RBM19: variants seen among roughly 807,000 people sequenced by gnomAD.
RBM19 encodes RNA binding motif protein 19.
In RBM19, 94 loss-of-function variants were observed where a neutral mutation model predicts 116.8. The ratio of observed to expected loss-of-function variants is 0.80; its 90% CI spans 0.68 to 0.95. The LOEUF (loss-of-function observed/expected upper bound fraction) is 0.95. Ranked by LOEUF, RBM19 falls within the 40% of genes least tolerant of loss-of-function variation. The pLI is 0.00. For missense variants in RBM19, 1,161 were observed against 1,220.7 expected (o/e 0.95, Z 0.73); for synonymous variants, 475 against 494.1 (o/e 0.96, Z 0.51).
chr12:113,940,642 T>A (rs1870495030), intron 14 of RBM19, among the ~76,000 whole-genome samples: 1 of 152,170 alleles, frequency 6.6e-6, no homozygotes, highest in African/African-American at 2.4e-5. Context: ...TGCTGCAGGC[T>A]TTCCCCTAGG....
rs752919205 is a variant in RBM19, at chr12:113,898,601, C to T, written c.2558+16368G>A. 7.2e-5 allele frequency among the ~76,000 whole-genome samples: 11 copies of T among 152,148 alleles called. No individual in the cohort carries two copies. Among genetic ancestry groups the T allele is most frequent in the South Asian group, 4.1e-4 (2 of 4,822 alleles). ...ACCAATAAGCACCGCTGCATGAAAA[C>T]GGGTGTTTGATGACCGGCAAGACTC... On this transcript the variant is annotated intron_variant, in intron 21 of 23. Coordinates refer to ENST00000261741, the MANE Select transcript of RBM19 (RefSeq NM_016196.4). The surrounding 1 kb of genome is among the most constrained non-coding windows in gnomAD (Gnocchi z 4.3).
chr12:113,889,750 T>TA (rs1381206911), intron 21 of RBM19, among the ~76,000 whole-genome samples: 3 of 151,844 alleles, frequency 2.0e-5, no homozygotes, highest in African/African-American at 7.3e-5. Flanking sequence ...GAAGAGAATA[T>TA]AAAGCATTAT....
rs375001362 is a variant in RBM19, at chr12:113,958,032, G to T, written c.590C>A (p.Pro197Gln). 6.2e-7 allele frequency: 1 copy of T among 1,611,626 alleles called. No individual in the cohort carries two copies. The highest frequency in any genetic ancestry group is 1.1e-5 in the South Asian group (1 of 90,770). The change falls in exon 6 of 24, where the codon CCA becomes CAA. Residue 197 changes from proline (P) to glutamine (Q), a missense_variant. Coordinates refer to ENST00000261741, the MANE Select transcript of RBM19 (RefSeq NM_016196.4). ...CAGCTCCTTCTGCACAGCTGCCTTT[G>T]GTTCGAGGCTTGCCTCTTCTGGAAA... is the stretch of plus-strand genomic sequence containing the variant. ...EDLEEEASLE[P>Q]KAAVQKELSD...
intron 23 of RBM19, among the ~76,000 whole-genome samples, chr12:113,837,750 TGGGCA>T (rs1279856249): frequency 1.3e-5 from 2 of 152,378 alleles, no homozygotes; most frequent in African/African-American, 4.8e-5. Flanking sequence ...TGGGTGCCCT[TGGGCA>T]AGTTACTTGC....
intron 22 of RBM19, among the ~76,000 whole-genome samples, chr12:113,848,486 T>C (rs1470567703): frequency 6.6e-6 from 1 of 152,146 alleles, no homozygotes; most frequent in Non-Finnish European, 1.5e-5. Flanking sequence ...TCCAGAGTAA[T>C]TGTGTTTCAT....
chr12:113,827,312 C>T (rs924402216), intron 23 of RBM19, among the ~76,000 whole-genome samples: 17 of 152,154 alleles, frequency 1.1e-4, no homozygotes, highest in Non-Finnish European at 2.1e-4. Flanking sequence ...AGCCATCCCC[C>T]GACAACCCCC....
rs11338829 is a variant in RBM19 at position 113,908,573 on chromosome 12, C to CAAAAA, written c.2558+6391_2558+6395dup. Among the ~76,000 whole-genome samples the CAAAAA allele has an allele frequency of 5.4e-3, 181 of 33,220 alleles. 3 individuals are homozygous for CAAAAA. The highest frequency in any genetic ancestry group is 0.03 in the East Asian group (19 of 626). The allele number at this position is 33,220 out of a possible 152,430, so 21.8% of individuals were successfully genotyped here. On this transcript the variant is annotated intron_variant, in intron 21 of 23. Transcript: ENST00000261741. The stretch of plus-strand genomic sequence containing the variant: ...GTTCACACCTCAAGGAAGAAAATAG[C>CAAAAA]AAAAAAAAAAAAAAAAAAAAAAAAA...
chr12:113,893,868 C>T (rs1881126556), intron 21 of RBM19, among the ~76,000 whole-genome samples: 1 of 152,232 alleles, frequency 6.6e-6, no homozygotes, highest in Admixed American at 6.5e-5. Flanking sequence ...AGGAGCGACA[C>T]AGGGCCAGCA....
intron 6 of RBM19, among the ~76,000 whole-genome samples, chr12:113,956,787 A>T (rs752909590): frequency 1.3e-5 from 2 of 152,036 alleles, no homozygotes; most frequent in Non-Finnish European, 2.9e-5. Flanking sequence ...CCTGGGGCTA[A>T]GTCCTGAACC....
chr12:113,956,829 C>A (rs1238860998), intron 6 of RBM19, among the ~76,000 whole-genome samples: 1 of 152,140 alleles, frequency 6.6e-6, no homozygotes, highest in Non-Finnish European at 1.5e-5. Context: ...CTGGCTGAGG[C>A]ACCTTCCTTC....
chr12:113,891,054 C>A (rs1880931488), intron 21 of RBM19, among the ~76,000 whole-genome samples: 1 of 151,968 alleles, frequency 6.6e-6, no homozygotes, highest in Non-Finnish European at 1.5e-5. Flanking sequence ...CCTCCTGCCT[C>A]AGCCTACCAA....
Position 113,946,478 on chromosome 12 carries a change from G to A in RBM19, c.1408-3C>T, listed in dbSNP as rs770197945. 1 of 1,614,168 alleles carries A rather than the reference G, an allele frequency of 6.2e-7. No individual in the cohort carries two copies. ...GGTAACACGTGGAGCATCCTGCCCT[G>A]GATGGGAATGACGGGAAGGGAGTAA... On this transcript the variant is annotated splice_polypyrimidine_tract_variant and splice_region_variant and intron_variant, in intron 11 of 23. Coordinates refer to ENST00000261741, the MANE Select transcript of RBM19 (RefSeq NM_016196.4).
intron 21 of RBM19, among the ~76,000 whole-genome samples, chr12:113,869,854 T>C (rs1007196454): frequency 3.9e-5 from 6 of 152,204 alleles, no homozygotes; most frequent in Admixed American, 2.0e-4. Context: ...CAAGAGGAGA[T>C]GAAGAGAATC....
At chr12:113,849,772 T>C (rs1411227892) in intron 22 of RBM19, among the ~76,000 whole-genome samples, 2 of 152,166 alleles carry the variant, frequency 1.3e-5, no homozygotes, top group Non-Finnish European at 2.9e-5. Context: ...CCTCTGCTCT[T>C]GGGAGCACTT....
intron 21 of RBM19, among the ~76,000 whole-genome samples, chr12:113,913,961 T>TG (rs576303501): frequency 2.6e-5 from 4 of 152,158 alleles, no homozygotes; most frequent in South Asian, 4.1e-4. Context: ...ATGCCTTGGG[T>TG]GGGGGGGCCT....
intron 7 of RBM19, 89 bp from the exon 8 acceptor site, chr12:113,952,679 A>G: frequency 1.0e-6 from 1 of 997,612 alleles, no homozygotes; most frequent in South Asian, 1.4e-5. Flanking sequence ...TAAATCAGAA[A>G]GGATTACAAA....
At chr12:113,905,440 C>T in intron 21 of RBM19, among the ~76,000 whole-genome samples, 1 of 152,078 alleles carries the variant, frequency 6.6e-6, no homozygotes, top group Non-Finnish European at 1.5e-5. Context: ...ACGCCATATA[C>T]AAAAATCAAT....
chr12:113,856,874 T>A (rs1443078720), intron 22 of RBM19, among the ~76,000 whole-genome samples: 4 of 152,204 alleles, frequency 2.6e-5, no homozygotes, highest in Admixed American at 2.6e-4. Context: ...TGGAAAACCC[T>A]GTGACCATTT....
rs1881502727 is a variant in RBM19, at chr12:113,898,747, A to T, written c.2558+16222T>A. ...TTCTCTGCATTAGTATTACTGACGT[A>T]AAAGAACCGAAACAGATTATAGATC... is the stretch of plus-strand genomic sequence containing the variant. On this transcript the variant is annotated intron_variant, in intron 21 of 23. Coordinates refer to ENST00000261741, the MANE Select transcript of RBM19 (RefSeq NM_016196.4). The surrounding 1 kb of genome is among the most constrained non-coding windows in gnomAD (Gnocchi z 4.3). Among the ~76,000 whole-genome samples the T allele has an allele frequency of 6.6e-6, 1 of 152,228 alleles. No individual in the cohort carries two copies. The highest frequency in any genetic ancestry group is 1.5e-5 in the Non-Finnish European group (1 of 68,034).
Sources: allele counts gnomAD v4.1 joint callset (sites outside exome capture counted in the v4.1 genomes callset), GRCh38; gene constraint gnomAD v4.1.1; non-coding constraint Gnocchi (gnomAD v3.1); transcripts MANE v1.5; gene names NCBI Gene and HGNC (gene_info 2026-07-23, HGNC 2026-07-21).